NFAT5: variants seen among roughly 807,000 people sequenced by gnomAD.
NFAT5 encodes the protein nuclear factor of activated T-cells 5.
A neutral mutation model predicts 166.5 loss-of-function variants in NFAT5; 31 were observed. The ratio of observed to expected loss-of-function variants is 0.19; its 90% CI spans 0.14 to 0.25. The LOEUF is 0.25. Ranked by LOEUF, NFAT5 falls within the 10% of genes least tolerant of loss-of-function variation. NFAT5 has a pLI of 1.00. For missense variants in NFAT5, 1,449 were observed against 1,821.8 expected, an observed-to-expected ratio of 0.80 and a Z score of 3.72; for synonymous variants, 612 against 639.7, an observed-to-expected ratio of 0.96 and a Z score of 0.65.
chr16:69,576,999 CAAG>C (rs1395520375), intron 2 of NFAT5, among the ~76,000 whole-genome samples: 1 of 152,198 alleles, frequency 6.6e-6, no homozygotes, highest in East Asian at 1.9e-4. Flanking sequence ...AAAGTAAATT[CAAG>C]AAGAGATGAG....
chr16:69,594,912 C>G (rs150388853), intron 2 of NFAT5, among the ~76,000 whole-genome samples: 2 of 152,118 alleles, frequency 1.3e-5, no homozygotes, highest in African/African-American at 4.8e-5. Flanking sequence ...GTCTGACATT[C>G]GAGGGCAGGA....
chr16:69,587,011 A>G (rs1319535362), intron 2 of NFAT5, among the ~76,000 whole-genome samples: 2 of 152,204 alleles, frequency 1.3e-5, no homozygotes, highest in Non-Finnish European at 2.9e-5. Context: ...GTATGATTGT[A>G]TTCATCAAAA....
At chr16:69,590,683 TG>T (rs1360016253) in intron 2 of NFAT5, among the ~76,000 whole-genome samples, 1 of 152,246 alleles carries the variant, frequency 6.6e-6, no homozygotes, top group Non-Finnish European at 1.5e-5. Context: ...ACAGTTTAGT[TG>T]TTCAGGATAG....
At chr16:69,600,831 AC>A (rs1177799105) in intron 2 of NFAT5, among the ~76,000 whole-genome samples, 34 of 150,534 alleles carry the variant, frequency 2.3e-4, no homozygotes, top group Admixed American at 8.0e-4. Flanking sequence ...GTACTGGTCC[AC>A]AATTTTGATT....
intron 2 of NFAT5, among the ~76,000 whole-genome samples, chr16:69,583,103 A>G (rs1420765286): frequency 6.6e-6 from 1 of 151,700 alleles, no homozygotes; most frequent in African/African-American, 2.4e-5. Flanking sequence ...TTAAGTGTTA[A>G]TAAAATTATG....
At chr16:69,661,539 T>TAAAAAAAAAAAA (rs1037382239) in intron 7 of NFAT5, among the ~76,000 whole-genome samples, 501 of 37,900 alleles carry the variant, frequency 0.013, 36 homozygotes, top group East Asian at 0.036. Flanking sequence ...CCCAGTCTCT[T>TAAAAAAAAAAAA]AAAAAAAAAA....
At chr16:69,621,935 C>T (rs1005242887) in intron 2 of NFAT5, among the ~76,000 whole-genome samples, 1 of 151,848 alleles carries the variant, frequency 6.6e-6, no homozygotes, top group African/African-American at 2.4e-5. Context: ...TATACTCCAA[C>T]CTGGATGACA....
intron 2 of NFAT5, among the ~76,000 whole-genome samples, chr16:69,578,664 A>C (rs2031460704): frequency 1.3e-5 from 2 of 152,158 alleles, no homozygotes; most frequent in Admixed American, 1.3e-4. Flanking sequence ...TGAATTTGTT[A>C]ATGTTTTTCT....
At chr16:69,596,586 C>T (rs780146331) in intron 2 of NFAT5, among the ~76,000 whole-genome samples, 18 of 151,872 alleles carry the variant, frequency 1.2e-4, no homozygotes, top group Non-Finnish European at 2.6e-4. Flanking sequence ...GGCGTGGTGG[C>T]ACGTGCCTGT....
At chr16:69,589,658 A>C (rs952614027) in intron 2 of NFAT5, among the ~76,000 whole-genome samples, 1 of 152,228 alleles carries the variant, frequency 6.6e-6, no homozygotes. Context: ...CCTCAGGATG[A>C]TTCAAATCAC....
At chr16:69,588,577 A>G (rs886883735) in intron 2 of NFAT5, among the ~76,000 whole-genome samples, 4 of 152,204 alleles carry the variant, frequency 2.6e-5, no homozygotes, top group East Asian at 1.9e-4. Flanking sequence ...TTGTTCTGCT[A>G]TTTTTCTGTA....
intron 7 of NFAT5, among the ~76,000 whole-genome samples, chr16:69,662,164 C>G (rs980513740): frequency 1.3e-5 from 2 of 152,072 alleles, no homozygotes; most frequent in African/African-American, 4.8e-5. Context: ...ACAGTGGAAA[C>G]ATAGTAAGAG....
At position 69,703,027 on chromosome 16, in the gene NFAT5, T is replaced by G. The variant is rs1199314954; in HGVS notation, c.*6676T>G. The G allele has an allele frequency of 2.0e-5, 3 of 152,780 alleles. No homozygotes were observed. In the East Asian group the frequency reaches 5.8e-4, roughly 29 times the overall value. 9.5% of individuals were successfully genotyped at this position (152,780 alleles called of 1,614,324 possible). A position where few individuals can be genotyped will look rare whatever the true frequency, so the allele number is the denominator to read the frequency against. On this transcript the variant is annotated 3_prime_UTR_variant, in exon 15 of 15. Coordinates refer to ENST00000349945, the MANE Select transcript of NFAT5 (RefSeq NM_138713.4). ...TTAATTGTTATGACATTTAAGTAGC[T>G]AATATAATTGACCGGTGCTAAAGTC...
In NFAT5 at chr16:69,693,549, C is replaced by A; in HGVS notation, c.3724C>A (p.Pro1242Thr). The A allele has an allele frequency of 1.9e-6, 3 of 1,614,152 alleles. No homozygotes were observed. Among genetic ancestry groups the A allele is most frequent in the Non-Finnish European group, 2.5e-6 (3 of 1,180,028 alleles). ...GGGCTCCCTTCCACCTAATCCAATG[C>A]CTCAAAGCCAACAAGGAACCATGTT... ...ALGSLPPNPMPQSQQGTMFQS... is the reference protein window; with the variant it reads ...ALGSLPPNPMTQSQQGTMFQS... The change falls in exon 13 of 15, where the codon CCT (proline) becomes ACT (threonine). Residue 1242 changes from proline (P) to threonine (T), a missense_variant. This residue lies in a region of NFAT5 where 891 missense variants were observed against 993.0 expected (regional missense o/e 0.90). Transcript: ENST00000349945.
chr16:69,605,816 C>T (rs941554697), intron 2 of NFAT5, among the ~76,000 whole-genome samples: 4 of 152,072 alleles, frequency 2.6e-5, no homozygotes, highest in African/African-American at 9.7e-5. Context: ...CGGGTTCACG[C>T]CATTCTCCTG....
At chr16:69,630,154 C>T (rs1379726110) in intron 3 of NFAT5, among the ~76,000 whole-genome samples, 1 of 151,924 alleles carries the variant, frequency 6.6e-6, no homozygotes, top group Admixed American at 6.6e-5. Context: ...CCAGGCTGAT[C>T]TCAAACTCCT....
chr16:69,675,726 G>GC (rs2036806118), intron 9 of NFAT5, among the ~76,000 whole-genome samples: 10 of 151,894 alleles, frequency 6.6e-5, no homozygotes, highest in Admixed American at 5.9e-4. Flanking sequence ...CTCAACCTCC[G>GC]CCCCCCGGGT....
At chr16:69,645,047 A>G (rs1444240697) in intron 3 of NFAT5, among the ~76,000 whole-genome samples, 1 of 152,222 alleles carries the variant, frequency 6.6e-6, no homozygotes, top group African/African-American at 2.4e-5. Context: ...CAGATGAAGG[A>G]ATGTTAGATG....
intron 11 of NFAT5, 196 bp downstream of exon 11, chr16:69,685,166 GTT>G (rs199798590): frequency 0.053 from 8,029 of 151,340 alleles, 249 homozygotes; most frequent in Middle Eastern, 0.099. Flanking sequence ...TGCTGAATAT[GTT>G]TTTATATATA....
Sources: gnomAD v4.1 joint callset for allele counts (sites outside exome capture counted in the v4.1 genomes callset) on GRCh38, gnomAD v4.1.1 for gene constraint, gnomAD v4.1.1 regional missense constraint, MANE v1.5 for transcripts, NCBI Gene and HGNC (gene_info 2026-07-23, HGNC 2026-07-21) for gene names.